The following CDH18 variants were observed in gnomAD, a reference collection of about 807,000 sequenced individuals.
CDH18 encodes cadherin-18.
Under a neutral mutation model 67.9 loss-of-function variants are expected in CDH18, and 31 were observed. That is an observed-to-expected ratio of 0.46 (90% confidence interval 0.34 to 0.62). The LOEUF is 0.62. Ranked by LOEUF, CDH18 falls within the 20% of genes least tolerant of loss-of-function variation. CDH18 has a pLI of 0.01. For missense variants in CDH18, 890 were observed against 975.5 expected, an observed-to-expected ratio of 0.91 and a Z score of 1.17; for synonymous variants, 362 against 347.2, an observed-to-expected ratio of 1.04 and a Z score of -0.48.
At chr5:20,181,328 C>T (rs568974942) in intron 2 of CDH18, among the ~76,000 whole-genome samples, 1 of 152,110 alleles carries the variant, frequency 6.6e-6, no homozygotes, top group East Asian at 1.9e-4. Flanking sequence ...CTTAAAAGAA[C>T]TCCTCTTGGC....
chr5:20,181,463 C>T (rs958417500), intron 2 of CDH18, among the ~76,000 whole-genome samples: 1 of 152,008 alleles, frequency 6.6e-6, no homozygotes, highest in African/African-American at 2.4e-5. Flanking sequence ...AGTAATGTGC[C>T]CCAACTGAGT....
intron 1 of CDH18, among the ~76,000 whole-genome samples, chr5:20,421,542 T>C (rs892701511): frequency 6.6e-6 from 1 of 150,928 alleles, no homozygotes; most frequent in Non-Finnish European, 1.5e-5. Context: ...AGATATAAGA[T>C]AAAGTTCTAT....
intron 2 of CDH18, among the ~76,000 whole-genome samples, chr5:19,935,830 C>A (rs1275501124): frequency 6.7e-6 from 1 of 149,604 alleles, no homozygotes; most frequent in African/African-American, 2.5e-5. Context: ...CTCTCTCTCA[C>A]TCTCTCTCTG....
chr5:20,506,440 C>G (rs183212517), intron 1 of CDH18, among the ~76,000 whole-genome samples: 1 of 152,192 alleles, frequency 6.6e-6, no homozygotes, highest in East Asian at 1.9e-4. Context: ...ACGTAAGTGG[C>G]CTTTAGAGCA....
intron 2 of CDH18, among the ~76,000 whole-genome samples, chr5:19,848,939 G>GTA (rs927533239): frequency 1.7e-4 from 25 of 149,362 alleles, no homozygotes; most frequent in Non-Finnish European, 4.4e-5. Flanking sequence ...ATATATATGT[G>GTA]TATATATACA....
At chr5:19,681,730 A>AT (rs1760356863) in intron 5 of CDH18, among the ~76,000 whole-genome samples, 1 of 151,818 alleles carries the variant, frequency 6.6e-6, no homozygotes, top group South Asian at 2.1e-4. Flanking sequence ...TTAATCTGCA[A>AT]TTTTTTTCAC....
At chr5:19,611,039 G>T (rs1389323683) in intron 6 of CDH18, among the ~76,000 whole-genome samples, 1 of 152,106 alleles carries the variant, frequency 6.6e-6, no homozygotes, top group South Asian at 2.1e-4. Flanking sequence ...GTTTGACAGA[G>T]TATTTAAATT....
Position 20,304,722 on chromosome 5 carries a change from A to C in CDH18, c.-579-49217T>G, listed in dbSNP as rs1011637521. On this transcript the variant is annotated intron_variant, in intron 1 of 14. Transcript: ENST00000507958. ...CCACCTTCTTGTCAGGTGTATCTTC[A>C]GTTTTGTTGCCATGAAACAAAAACG... 1.9e-6 allele frequency: 3 copies of C among 1,611,426 alleles called. No homozygotes were observed. The Admixed American group carries it at 5.0e-5, about 27-fold the overall frequency.
intron 2 of CDH18, among the ~76,000 whole-genome samples, chr5:20,021,603 T>G (rs983408720): frequency 6.6e-6 from 1 of 152,142 alleles, no homozygotes; most frequent in Non-Finnish European, 1.5e-5. Flanking sequence ...TCTCTGACCA[T>G]GTATGTTAAT....
chr5:20,430,743 A>T (rs565870975), intron 1 of CDH18, among the ~76,000 whole-genome samples: 1 of 152,326 alleles, frequency 6.6e-6, no homozygotes, highest in Non-Finnish European at 1.5e-5. Context: ...CACCCAAAAT[A>T]TAAATGGAGA....
chr5:19,613,433 A>G (rs1015970102), intron 5 of CDH18, among the ~76,000 whole-genome samples: 1 of 152,180 alleles, frequency 6.6e-6, no homozygotes, highest in African/African-American at 2.4e-5. Flanking sequence ...TAAGAAACTC[A>G]CTATTTTTGT....
At position 19,968,705 on chromosome 5, in the gene CDH18, A is replaced by C. The variant is rs1486738133; in HGVS notation, c.-257+12355T>G. Among the ~76,000 whole-genome samples, 17 of 143,446 alleles carry C rather than the reference A, an allele frequency of 1.2e-4. No homozygotes were observed. In the South Asian group the frequency reaches 3.6e-3, roughly 30 times the overall value. The allele number at this position is 143,446 out of a possible 152,430, so 94.1% of individuals were successfully genotyped here. On this transcript the variant is annotated intron_variant, in intron 2 of 12. Transcript: ENST00000382275. ...ATAAAAATTAATTCAAGATGGATTA[A>C]AGACTTAAACATTAGACCTAAAACC...
intron 2 of CDH18, among the ~76,000 whole-genome samples, chr5:20,165,622 A>G (rs1736222812): frequency 6.6e-6 from 1 of 152,178 alleles, no homozygotes; most frequent in African/African-American, 2.4e-5. Flanking sequence ...TAAAACATGT[A>G]ACCATTAGGA....
rs368716669 is a variant in CDH18 at position 20,432,647 on chromosome 5, G to A, written c.-580+142815C>T. On this transcript the variant is annotated intron_variant, in intron 1 of 14. Transcript: ENST00000507958. ...CTGATGGCTGTCTTCTCCCTGTATC[G>A]TCACATGGTCTTTCCTCTTTCTGTG... 3.4e-4 allele frequency among the ~76,000 whole-genome samples: 51 copies of A among 151,924 alleles called. 2 individuals are homozygous for A. In the East Asian group the frequency reaches 5.2e-3, roughly 16 times the overall value.
rs892415484 is a variant in CDH18 at position 19,659,876 on chromosome 5, A to G, written c.644-47275T>C. 2.0e-5 allele frequency among the ~76,000 whole-genome samples: 3 copies of G among 152,202 alleles called. No homozygotes were observed. In the South Asian group the frequency reaches 6.2e-4, roughly 32 times the overall value. ...TTAAATAAATTACCCAGTCTCAGGTATTTTGTTATAGCAGCACAAATGCAC... is the reference window on the plus strand; with the variant it reads ...TTAAATAAATTACCCAGTCTCAGGTGTTTTGTTATAGCAGCACAAATGCAC... On this transcript the variant is annotated intron_variant, in intron 5 of 12. Coordinates refer to ENST00000382275, the MANE Select transcript of CDH18 (RefSeq NM_004934.5).
At chr5:20,203,982 C>T (rs944213190) in intron 2 of CDH18, among the ~76,000 whole-genome samples, 6 of 151,514 alleles carry the variant, frequency 4.0e-5, no homozygotes, top group Non-Finnish European at 7.4e-5. Flanking sequence ...TGAGAGAGAA[C>T]AAATAGAACC....
chr5:19,546,416 A>G (rs1485907294), intron 8 of CDH18, among the ~76,000 whole-genome samples: 1 of 152,176 alleles, frequency 6.6e-6, no homozygotes, highest in Non-Finnish European at 1.5e-5. Flanking sequence ...CTTTTGAAAA[A>G]GGGGACTATC....
chr5:20,395,157 A>T (rs1342297872), intron 1 of CDH18, among the ~76,000 whole-genome samples: 2 of 152,192 alleles, frequency 1.3e-5, no homozygotes, highest in Non-Finnish European at 2.9e-5. Flanking sequence ...TTATTGCAGC[A>T]AAATTCACAA....
chr5:20,554,307 T>C (rs1757789576), intron 1 of CDH18, among the ~76,000 whole-genome samples: 1 of 152,194 alleles, frequency 6.6e-6, no homozygotes, highest in Admixed American at 6.5e-5. Flanking sequence ...CCCTTCAGCA[T>C]ACAAACATGT....
Sources: gnomAD v4.1 joint callset for allele counts (sites outside exome capture counted in the v4.1 genomes callset) on GRCh38, gnomAD v4.1.1 for gene constraint, MANE v1.5 for transcripts, NCBI Gene and HGNC (gene_info 2026-07-23, HGNC 2026-07-21) for gene names.